The following CREBRF variants were observed in gnomAD, a reference collection of about 807,000 sequenced individuals.
CREBRF encodes the protein UPF0474 protein C5orf41.
A neutral mutation model predicts 66.1 loss-of-function variants in CREBRF; 5 were observed. That is an observed-to-expected ratio of 0.08 (90% CI 0.04 to 0.16). CREBRF has a LOEUF of 0.16. Ranked by LOEUF, CREBRF falls within the 10% of genes least tolerant of loss-of-function variation. CREBRF has a pLI of 1.00. For synonymous variants in CREBRF, 229 were observed against 264.4 expected (o/e 0.87, Z 1.30); for missense variants, 531 against 744.9 (o/e 0.71, Z 3.34).
chr5:173,086,824 T>C (rs1396601910), intron 3 of CREBRF, among the ~76,000 whole-genome samples, 198 bp downstream of exon 3: 1 of 152,202 alleles, frequency 6.6e-6, no homozygotes, highest in Non-Finnish European at 1.5e-5. Context: ...TTTCTCAGGC[T>C]ATAGTGCAGT....
chr5:173,092,040 C>T (rs945875216), intron 4 of CREBRF: 5 of 398,976 alleles, frequency 1.3e-5, no homozygotes, highest in African/African-American at 6.5e-5. Context: ...GACATCGCAC[C>T]ATTGCACTCC....
In CREBRF at chr5:173,080,609, A is replaced by T. The variant is rs1757911319; in HGVS notation, c.-167A>T. ...GACAGCATCGCACAGAATTATTTTA[A>T]AAAAAAGCAGTGATCCAAGCAATTG... On this transcript the variant is annotated 5_prime_UTR_variant, in exon 2 of 9. Coordinates refer to ENST00000296953, the MANE Select transcript of CREBRF (RefSeq NM_153607.3). The T allele has an allele frequency of 1.6e-6, 1 of 619,018 alleles. No homozygotes were observed. The highest frequency in any genetic ancestry group is 2.9e-6 in the Non-Finnish European group (1 of 345,800). 38.3% of individuals were successfully genotyped at this position (619,018 alleles called of 1,614,324 possible).
intron 7 of CREBRF, among the ~76,000 whole-genome samples, chr5:173,115,031 T>C (rs978904957): frequency 2.0e-5 from 3 of 152,206 alleles, no homozygotes; most frequent in Non-Finnish European, 4.4e-5. Flanking sequence ...GTTTGGACAC[T>C]GTCAAGGCTT....
At chr5:173,108,351 A>G (rs1758795459) in intron 4 of CREBRF, among the ~76,000 whole-genome samples, 1 of 152,168 alleles carries the variant, frequency 6.6e-6, no homozygotes. Context: ...TAATAAAAAT[A>G]GTATCGTATA....
At position 173,086,524 on chromosome 5, in the gene CREBRF, G is replaced by A. The variant is rs537391528; in HGVS notation, c.33G>A (p.Pro11=). ...AGCCTAGTGTAAGCGGAATGGATCCGCCTTTCGGGGATGCCTTTCGAAGCC... is the reference window on the plus strand; with the variant it reads ...AGCCTAGTGTAAGCGGAATGGATCCACCTTTCGGGGATGCCTTTCGAAGCC... MPQPSVSGMD[P]PFGDAFRSHT... is the part of the protein sequence containing the mutation. Residue 11 remains proline (P), a synonymous_variant, in exon 3 of 9, where the codon CCG becomes CCA. Transcript: ENST00000296953. 1.9e-5 allele frequency: 30 copies of A among 1,613,526 alleles called. No homozygotes were observed. The highest frequency in any genetic ancestry group is 1.1e-4 in the East Asian group (5 of 44,840).
intron 1 of CREBRF, among the ~76,000 whole-genome samples, chr5:173,076,001 G>A (rs1445341502): frequency 7.1e-6 from 1 of 141,064 alleles, no homozygotes; most frequent in Non-Finnish European, 1.5e-5. Context: ...CAGGAGGATC[G>A]CTTGAGCCCA....
chr5:173,082,934 A>C (rs945783104), intron 2 of CREBRF, among the ~76,000 whole-genome samples: 65 of 145,856 alleles, frequency 4.5e-4, no homozygotes, highest in African/African-American at 1.5e-3. Context: ...AAAAAAAAAA[A>C]AAAAAAAAAA....
At position 173,139,142 on chromosome 5, in the gene CREBRF, T is replaced by G. The variant is rs1394727193; in HGVS notation, c.*5397T>G. The G allele has an allele frequency of 6.6e-6, 1 of 152,202 alleles. No individual in the cohort carries two copies. Among genetic ancestry groups the G allele is most frequent in the East Asian group, 1.9e-4 (1 of 5,200 alleles). 9.4% of individuals were successfully genotyped at this position (152,202 alleles called of 1,614,324 possible). ...AATGTTGGTTAATAGTTGTGCAGTT[T>G]TTCATTTCAGATGGAAAGGCAATGC... On this transcript the variant is annotated 3_prime_UTR_variant, in exon 9 of 9. Transcript: ENST00000296953.
chr5:173,081,779 G>A (rs549149566), intron 2 of CREBRF, among the ~76,000 whole-genome samples: 1 of 152,152 alleles, frequency 6.6e-6, no homozygotes, highest in Admixed American at 6.5e-5. Flanking sequence ...AACTAGCTGA[G>A]TGTGGTGGCA....
chr5:173,073,503 T>G (rs1015296263), intron 1 of CREBRF, among the ~76,000 whole-genome samples: 8 of 152,206 alleles, frequency 5.3e-5, no homozygotes, highest in African/African-American at 1.9e-4. Flanking sequence ...TAGAAATGCA[T>G]TCTCTGGTTC....
intron 4 of CREBRF, among the ~76,000 whole-genome samples, chr5:173,094,457 A>G (rs1241407833): frequency 6.6e-6 from 1 of 152,076 alleles, no homozygotes; most frequent in East Asian, 1.9e-4. Flanking sequence ...GCTTTCATTT[A>G]TCTTTTTGGT....
At chr5:173,092,636 T>TA (rs1758378330) in intron 4 of CREBRF, among the ~76,000 whole-genome samples, 1 of 152,222 alleles carries the variant, frequency 6.6e-6, no homozygotes, top group African/African-American at 2.4e-5. Flanking sequence ...GTTATAATGA[T>TA]GATTGCTGGA....
At chr5:173,067,787 T>A (rs1299641396) in intron 1 of CREBRF, among the ~76,000 whole-genome samples, 1 of 151,814 alleles carries the variant, frequency 6.6e-6, no homozygotes, top group African/African-American at 2.4e-5. Flanking sequence ...CAAGAAGAGG[T>A]CAGGAGATCG....
rs766697965 is a variant in CREBRF at position 173,090,925 on chromosome 5, G to T, written c.746G>T (p.Arg249Leu). Residue 249 changes from arginine to leucine, a missense_variant, in exon 4 of 9, where the codon CGG becomes CTG. Around this residue, in one of 5 missense-constraint regions of CREBRF, gnomAD observed 309 missense variants for 341.4 expected, o/e 0.90. Transcript: ENST00000296953. This position sits in a 1 kb window ranked among gnomAD's most constrained non-coding sequence, Gnocchi z 4.5. ...AAGATCAACCCAGTGCAACAGAGCC[G>T]GCCCTTGTTGAGCCAGATTCACACA... ...KVKINPVQQS[R>L]PLLSQIHTDA... 2 of 1,614,138 alleles carry T rather than the reference G, an allele frequency of 1.2e-6. No homozygotes were observed. The highest frequency in any genetic ancestry group is 3.3e-5 in the Admixed American group (2 of 60,006).
At chr5:173,096,213 C>T (rs1025424781) in intron 4 of CREBRF, among the ~76,000 whole-genome samples, 1 of 152,164 alleles carries the variant, frequency 6.6e-6, no homozygotes, top group Non-Finnish European at 1.5e-5. Flanking sequence ...TTGTGATCCG[C>T]CCGCCTTGGC....
In CREBRF at chr5:173,138,652, TTAAA is replaced by T. The variant is rs1478780326; in HGVS notation, c.*4909_*4912del. 1 of 152,222 alleles carries T rather than the reference TTAAA, an allele frequency of 6.6e-6. No homozygotes were observed. The highest frequency in any genetic ancestry group is 1.5e-5 in the Non-Finnish European group (1 of 68,040). The allele number at this position is 152,222 out of a possible 1,614,324, so 9.4% of individuals were successfully genotyped here. A position where few individuals can be genotyped will look rare whatever the true frequency, so the allele number is the denominator to read the frequency against. On this transcript the variant is annotated 3_prime_UTR_variant, in exon 9 of 9. Transcript: ENST00000296953. ...AATGTAAACACAATGGTGTAGTTAATTAAATTCTGGGTGGATAGGAGCAGGACTG... is the reference window on the plus strand; with the variant it reads ...AATGTAAACACAATGGTGTAGTTAATTTCTGGGTGGATAGGAGCAGGACTG...
At chr5:173,109,059 C>T in intron 5 of CREBRF, 1 of 425,998 alleles carries the variant, frequency 2.3e-6, no homozygotes, top group Non-Finnish European at 4.1e-6. Context: ...ATTTCTAGTC[C>T]CTTCTTAATC....
intron 2 of CREBRF, among the ~76,000 whole-genome samples, chr5:173,083,299 A>G (rs1758025110): frequency 6.6e-6 from 1 of 151,916 alleles, no homozygotes; most frequent in Non-Finnish European, 1.5e-5. Flanking sequence ...AGGCCTTTCT[A>G]TTATTTGACC....
rs1332090016 is a variant in CREBRF, at chr5:173,133,975, C to A, written c.*230C>A. The A allele has an allele frequency of 3.2e-6, 1 of 309,192 alleles. No individual in the cohort carries two copies. Among genetic ancestry groups the A allele is most frequent in the Non-Finnish European group, 6.0e-6 (1 of 167,256 alleles). The allele number at this position is 309,192 out of a possible 1,614,324, so 19.2% of individuals were successfully genotyped here. ...TGCTACTGGCATCAGAATTGAAAAT[C>A]ATATGTTTAAGTAAATGTTAGGTAC... On this transcript the variant is annotated 3_prime_UTR_variant, in exon 9 of 9. Transcript: ENST00000296953.
Sources: allele counts gnomAD v4.1 joint callset (sites outside exome capture counted in the v4.1 genomes callset), GRCh38; gene constraint gnomAD v4.1.1; regional missense constraint gnomAD v4.1.1; non-coding constraint Gnocchi (gnomAD v3.1); transcripts MANE v1.5; gene names NCBI Gene and HGNC (gene_info 2026-07-23, HGNC 2026-07-21).